FAM216A: variants seen among roughly 807,000 people sequenced by gnomAD.
The protein encoded by FAM216A is family with sequence similarity 216 member A, also known as protein FAM216A.
In FAM216A, 26 loss-of-function variants were observed where a neutral mutation model predicts 37.6. The ratio of observed to expected loss-of-function variants is 0.69; its 90% CI spans 0.51 to 0.96. The LOEUF is 0.96. Ranked by LOEUF, FAM216A falls within the 40% of genes least tolerant of loss-of-function variation. The pLI is 0.00. For synonymous variants in FAM216A, 110 were observed against 121.7 expected, an observed-to-expected ratio of 0.90 and a Z score of 0.64; for missense variants, 326 against 339.3, an observed-to-expected ratio of 0.96 and a Z score of 0.31.
At chr12:110,468,783 T>C, upstream of FAM216A, 1 of 1,462,044 alleles carries the variant, frequency 6.8e-7, no homozygotes, top group South Asian at 1.4e-5. Flanking sequence ...GTTCGGGCAG[T>C]GTCCGAACGG....
intron 1 of FAM216A, among the ~76,000 whole-genome samples, chr12:110,469,857 A>T (rs1159559852): frequency 6.6e-6 from 1 of 152,092 alleles, no homozygotes; most frequent in Non-Finnish European, 1.5e-5. Flanking sequence ...TGAATATCCG[A>T]GGTGCCTTGA....
chr12:110,480,921 C>G (rs1474963587), intron 2 of FAM216A, among the ~76,000 whole-genome samples: 2 of 152,036 alleles, frequency 1.3e-5, no homozygotes, highest in Non-Finnish European at 2.9e-5. Flanking sequence ...ACCACTAATT[C>G]CCTATATACC....
intron 2 of FAM216A, among the ~76,000 whole-genome samples, chr12:110,480,369 A>G (rs144180283): frequency 6.6e-6 from 1 of 151,782 alleles, no homozygotes; most frequent in East Asian, 1.9e-4. Context: ...ATGCTTGGCT[A>G]ATTTTTTTAT....
intron 2 of FAM216A, among the ~76,000 whole-genome samples, chr12:110,483,592 C>T (rs751124103): frequency 1.2e-4 from 18 of 151,738 alleles, no homozygotes; most frequent in Non-Finnish European, 2.2e-4. Flanking sequence ...GGGAGGCCAA[C>T]GCAGGCGGAT....
chr12:110,471,601 C>G (rs1431838489), intron 1 of FAM216A, among the ~76,000 whole-genome samples: 5 of 152,134 alleles, frequency 3.3e-5, no homozygotes. Flanking sequence ...GGGTTGCCAG[C>G]AGAGAAGTGA....
chr12:110,470,741 G>A (rs2062681786), intron 1 of FAM216A, among the ~76,000 whole-genome samples: 1 of 151,914 alleles, frequency 6.6e-6, no homozygotes, highest in Non-Finnish European at 1.5e-5. Flanking sequence ...GGCACAAAGA[G>A]GTTGTTTGTC....
Position 110,486,657 on chromosome 12 carries a change from C to A in FAM216A, c.560C>A (p.Ala187Glu), listed in dbSNP as rs748814536. 1.2e-6 allele frequency: 2 copies of A among 1,614,178 alleles called. No homozygotes were observed. The highest frequency in any genetic ancestry group is 2.7e-5 in the African/African-American group (2 of 75,048). ...TCGGGGTCTTCTGATATCGCAGCTG[C>A]ATCTGCACCTGAAATGCTCATACAG... Reference protein sequence around the residue: ...EDSGSSDIAAASAPEMLIQHS... With the variant: ...EDSGSSDIAAESAPEMLIQHS... The change falls in exon 5 of 7, where the codon GCA becomes GAA. Residue 187 changes from alanine to glutamate, a missense_variant. Coordinates refer to ENST00000377673, the MANE Select transcript of FAM216A (RefSeq NM_013300.3).
At chr12:110,468,441 G>T (rs1419575033), upstream of FAM216A, 1 of 1,534,934 alleles carries the variant, frequency 6.5e-7, no homozygotes, top group African/African-American at 1.4e-5. Context: ...GATGGAAATC[G>T]GCCGTTGGGA....
At chr12:110,469,650 C>G (rs2062668830) in intron 1 of FAM216A, among the ~76,000 whole-genome samples, 1 of 152,034 alleles carries the variant, frequency 6.6e-6, no homozygotes, top group Non-Finnish European at 1.5e-5. Context: ...GCTGGGATTA[C>G]AGGCGCCTGC....
At chr12:110,487,640 TA>T (rs1207541929) in intron 5 of FAM216A, 3 of 511,448 alleles carry the variant, frequency 5.9e-6, no homozygotes, top group African/African-American at 3.9e-5. Flanking sequence ...AGGGGAATAC[TA>T]TATAACAGGG....
At chr12:110,476,351 C>G (rs1264811832) in intron 2 of FAM216A, among the ~76,000 whole-genome samples, 2 of 151,926 alleles carry the variant, frequency 1.3e-5, no homozygotes, top group Non-Finnish European at 1.5e-5. Context: ...AGTCGCCCAC[C>G]ACCACGCCCC....
At chr12:110,478,339 T>G (rs1031502823) in intron 2 of FAM216A, among the ~76,000 whole-genome samples, 1 of 152,188 alleles carries the variant, frequency 6.6e-6, no homozygotes, top group Non-Finnish European at 1.5e-5. Context: ...CCAAAGAGCC[T>G]GTGGTAGGCA....
At chr12:110,471,093 T>C (rs556709802) in intron 1 of FAM216A, among the ~76,000 whole-genome samples, 50 of 152,094 alleles carry the variant, frequency 3.3e-4, no homozygotes, top group African/African-American at 1.2e-3. Context: ...AACTCCTTAC[T>C]TTTTTTCTTC....
At chr12:110,479,569 T>C (rs1442519018) in intron 2 of FAM216A, among the ~76,000 whole-genome samples, 2 of 150,106 alleles carry the variant, frequency 1.3e-5, no homozygotes, top group African/African-American at 4.9e-5. Context: ...CTGGGCGCAG[T>C]GGCTCACGCC....
At chr12:110,482,169 C>T (rs1053663287) in intron 2 of FAM216A, among the ~76,000 whole-genome samples, 2 of 151,962 alleles carry the variant, frequency 1.3e-5, no homozygotes, top group Non-Finnish European at 2.9e-5. Flanking sequence ...GCAACCTCCA[C>T]CTCCTGGGTT....
At chr12:110,477,346 T>TTTTA (rs371282708) in intron 2 of FAM216A, among the ~76,000 whole-genome samples, 65 of 152,294 alleles carry the variant, frequency 4.3e-4, no homozygotes, top group Middle Eastern at 3.4e-3. Flanking sequence ...TCATCCATTC[T>TTTTA]TTTATTTATT....
intron 1 of FAM216A, among the ~76,000 whole-genome samples, chr12:110,470,036 G>A (rs1412609612): frequency 6.6e-6 from 1 of 151,748 alleles, no homozygotes; most frequent in Non-Finnish European, 1.5e-5. Flanking sequence ...AGCAAGAACT[G>A]CGATATGTTT....
rs2062779186 is a variant in FAM216A, at chr12:110,486,724, T to C, written c.620+7T>C. 1 of 1,606,112 alleles carries C rather than the reference T, an allele frequency of 6.2e-7. No homozygotes were observed. Among genetic ancestry groups the C allele is most frequent in the East Asian group, 2.2e-5 (1 of 44,850 alleles). On this transcript the variant is annotated splice_region_variant and intron_variant, in intron 5 of 6. Coordinates refer to ENST00000377673, the MANE Select transcript of FAM216A (RefSeq NM_013300.3). ...CAGTGAGAAACAAAGAAGGGTCTGTTTCTTAGTGTAAAAGGGGGGAAATGC... is the reference window on the plus strand; with the variant it reads ...CAGTGAGAAACAAAGAAGGGTCTGTCTCTTAGTGTAAAAGGGGGGAAATGC...
intron 2 of FAM216A, among the ~76,000 whole-genome samples, chr12:110,475,632 T>C (rs1029280375): frequency 2.6e-5 from 4 of 151,246 alleles, no homozygotes; most frequent in African/African-American, 9.7e-5. Context: ...AATGCAGTGG[T>C]GCAATCTCAG....
Sources: allele counts gnomAD v4.1 joint callset (sites outside exome capture counted in the v4.1 genomes callset), GRCh38; gene constraint gnomAD v4.1.1; transcripts MANE v1.5; gene names NCBI Gene and HGNC (gene_info 2026-07-23, HGNC 2026-07-21).